The following CCDC14 variants were observed in gnomAD, a reference collection of about 807,000 sequenced individuals.
The protein encoded by CCDC14 is coiled-coil domain-containing protein 14.
A neutral mutation model predicts 81.4 loss-of-function variants in CCDC14; 71 were observed. That is an observed-to-expected ratio of 0.87 (90% CI 0.72 to 1.06). CCDC14 has a LOEUF of 1.06. CCDC14 is among the 50% of genes least tolerant of loss of function. CCDC14 has a pLI of 0.00. For missense variants in CCDC14, 1,046 were observed against 1,047.3 expected (o/e 1.00, Z 0.02); for synonymous variants, 332 against 364.8 (o/e 0.91, Z 1.03).
chr3:123,952,497 T>A, intron 5 of CCDC14: 3 of 380,116 alleles, frequency 7.9e-6, no homozygotes, highest in South Asian at 2.1e-5. Flanking sequence ...AAATACATAT[T>A]TTTTTTAAAT....
At chr3:123,930,134 T>C (rs1432222325) in intron 12 of CCDC14, among the ~76,000 whole-genome samples, 16 of 152,318 alleles carry the variant, frequency 1.1e-4, no homozygotes, top group Admixed American at 9.2e-4. Flanking sequence ...AAATATCCTA[T>C]GAAATATAAA....
Position 123,914,722 on chromosome 3 carries a change from T to C in CCDC14, c.*57A>G, listed in dbSNP as rs1559760563. On this transcript the variant is annotated 3_prime_UTR_variant, in exon 13 of 13. Coordinates refer to ENST00000409697, the MANE Select transcript of CCDC14 (RefSeq NM_001366335.1). ...CATTTCACTAAAGAAAAATACACATTCAATATAGCCAAGTTCTAGTTTTAA... is the reference window on the plus strand; with the variant it reads ...CATTTCACTAAAGAAAAATACACATCCAATATAGCCAAGTTCTAGTTTTAA... 1 of 1,455,300 alleles carries C rather than the reference T, an allele frequency of 6.9e-7. No individual in the cohort carries two copies. 90.1% of individuals were successfully genotyped at this position (1,455,300 alleles called of 1,614,324 possible). A position where few individuals can be genotyped will look rare whatever the true frequency, so the allele number is the denominator to read the frequency against.
chr3:123,916,462 A>G (rs1310604744), intron 12 of CCDC14, among the ~76,000 whole-genome samples: 6 of 81,994 alleles, frequency 7.3e-5, no homozygotes, highest in East Asian at 2.4e-3. Flanking sequence ...TTCATTATAT[A>G]TGTGTTTGTG....
At chr3:123,891,139 C>T in the CCDC14 span, among the ~76,000 whole-genome samples, 3 of 151,828 alleles carry the variant, frequency 2.0e-5, no homozygotes, top group Non-Finnish European at 4.4e-5. Flanking sequence ...AATCCCCAGG[C>T]TGCACACAGC....
intron 9 of CCDC14, among the ~76,000 whole-genome samples, chr3:123,943,121 T>C (rs1022513055): frequency 6.6e-6 from 1 of 151,890 alleles, no homozygotes; most frequent in Non-Finnish European, 1.5e-5. Flanking sequence ...TATACATACA[T>C]ACACATATAT....
intron 5 of CCDC14, among the ~76,000 whole-genome samples, chr3:123,904,636 C>G (rs1446589689): frequency 9.4e-6 from 1 of 105,938 alleles, no homozygotes; most frequent in Non-Finnish European, 2.4e-5. Context: ...AAAAAAAAAA[C>G]CCTGGGATGT....
intron 1 of CCDC14, among the ~76,000 whole-genome samples, chr3:123,959,986 T>C (rs2037578844): frequency 6.6e-6 from 1 of 152,200 alleles, no homozygotes; most frequent in African/African-American, 2.4e-5. Flanking sequence ...CCTTTCTATC[T>C]ACTGAAAACA....
chr3:123,940,821 C>T lies in CCDC14; in HGVS notation c.1343+4028G>A, dbSNP rs540127209. On this transcript the variant is annotated intron_variant, in intron 9 of 12. Transcript: ENST00000409697. The stretch of plus-strand genomic sequence containing the variant: ...TTCCATCTTTCATCTTGTTCCTGTA[C>T]TCCAGACAGTCTAACTCAGCAGGTC... 2.0e-5 allele frequency among the ~76,000 whole-genome samples: 3 copies of T among 152,168 alleles called. No homozygotes were observed. The South Asian group carries it at 6.2e-4, about 32-fold the overall frequency.
intron 8 of CCDC14, among the ~76,000 whole-genome samples, chr3:123,945,453 G>A (rs749341105): frequency 7.2e-5 from 11 of 152,046 alleles, no homozygotes; most frequent in Non-Finnish European, 1.5e-4. Context: ...AATATTGAGT[G>A]AGGGTCTGCT....
chr3:123,915,015 C>T lies in CCDC14; in HGVS notation c.2482G>A (p.Glu828Lys), dbSNP rs777250583. 13 of 1,613,868 alleles carry T rather than the reference C, an allele frequency of 8.1e-6. No individual in the cohort carries two copies. Among genetic ancestry groups the T allele is most frequent in the Non-Finnish European group, 8.5e-7 (1 of 1,179,892 alleles). ...KIPAATKEPEEQTACHGPSGC... is the reference protein window; with the variant it reads ...KIPAATKEPEKQTACHGPSGC... ...GATGGGCCATGACATGCAGTTTGTT[C>T]CTCTGGCTCCTTGGTGGCAGCAGGG... Residue 828 changes from glutamate to lysine, a missense_variant, in exon 13 of 13, where the codon GAA becomes AAA. By Grantham distance (56) the Glu-to-Lys change is moderately conservative. Transcript: ENST00000409697.
rs112721964 is a variant in CCDC14, at chr3:123,918,451, C to T, written c.1779-2733G>A. On this transcript the variant is annotated intron_variant, in intron 12 of 12. Coordinates refer to ENST00000409697, the MANE Select transcript of CCDC14 (RefSeq NM_001366335.1). ...TGGCTCTGGTCCCCCTCATAGAAAT[C>T]GAACTAGCTACTATCCACAGACAAG... Among the ~76,000 whole-genome samples, 945 of 152,238 alleles carry T rather than the reference C, an allele frequency of 6.2e-3. 14 individuals carry two copies. The highest frequency in any genetic ancestry group is 0.021 in the African/African-American group (890 of 41,536).
rs372634916 is a variant in CCDC14 at position 123,959,148 on chromosome 3, G to C, written c.30+1996C>G. Among the ~76,000 whole-genome samples, 3 of 152,280 alleles carry C rather than the reference G, an allele frequency of 2.0e-5. No homozygotes were observed. In the East Asian group the frequency reaches 5.8e-4, roughly 29 times the overall value. The stretch of plus-strand genomic sequence containing the variant: ...CTATATCCTGATTTCAATTCTTTTG[G>C]ATAAATTCCCAGAAGTAGAATTGCT... On this transcript the variant is annotated intron_variant, in intron 1 of 12. Transcript: ENST00000409697.
intron 12 of CCDC14, among the ~76,000 whole-genome samples, chr3:123,918,144 A>C (rs1006484325): frequency 6.6e-6 from 1 of 152,210 alleles, no homozygotes; most frequent in African/African-American, 2.4e-5. Flanking sequence ...TGCTAAAAAG[A>C]AATCTCTATA....
At chr3:123,895,124 G>A (rs2034039180), downstream of CCDC14, among the ~76,000 whole-genome samples, 1 of 152,160 alleles carries the variant, frequency 6.6e-6, no homozygotes, top group Non-Finnish European at 1.5e-5. Flanking sequence ...AGTGACATTA[G>A]TTGTAGAAAA....
At position 123,906,067 on chromosome 3, in the gene CCDC14, C is replaced by T. The variant is rs774678065; in HGVS notation, c.668-8454G>A. Reference sequence around the variant, plus strand: ...CACATCAGGCCGGGCGCAGTGCTCACGCCTGTAATCCCAGCACTTTGGGAG... The same window carrying T: ...CACATCAGGCCGGGCGCAGTGCTCATGCCTGTAATCCCAGCACTTTGGGAG... On this transcript the variant is annotated intron_variant, in intron 5 of 5. Transcript: ENST00000479903. Among the ~76,000 whole-genome samples the T allele has an allele frequency of 3.9e-5, 6 of 152,122 alleles. No homozygotes were observed. In the East Asian group the frequency reaches 7.7e-4, roughly 20 times the overall value.
intron 1 of CCDC14, 31 bp from the exon 2 acceptor site, chr3:123,956,826 AAAT>A (rs2037352930): frequency 8.0e-6 from 11 of 1,372,982 alleles, no homozygotes; most frequent in Middle Eastern, 1.9e-4. Context: ...GCAGATAAAC[AAAT>A]ATTTTTCTAT....
At chr3:123,892,997 G>T (rs147155007), downstream of CCDC14, among the ~76,000 whole-genome samples, 32 of 151,944 alleles carry the variant, frequency 2.1e-4, no homozygotes, top group East Asian at 5.8e-3. Context: ...GTAGAGATGG[G>T]GTTTCACCAC....
downstream of CCDC14, among the ~76,000 whole-genome samples, chr3:123,912,037 T>A (rs568449762): frequency 3.3e-5 from 5 of 152,312 alleles, no homozygotes; most frequent in African/African-American, 1.2e-4. Flanking sequence ...TGGTCCAATA[T>A]CATCAGATTC....
chr3:123,895,989 T>G (rs187463541), downstream of CCDC14, among the ~76,000 whole-genome samples: 1 of 152,332 alleles, frequency 6.6e-6, no homozygotes, highest in East Asian at 1.9e-4. Flanking sequence ...GCAGCATTAT[T>G]CACAATAGCC....
Sources: allele counts gnomAD v4.1 joint callset (sites outside exome capture counted in the v4.1 genomes callset), GRCh38; gene constraint gnomAD v4.1.1; transcripts MANE v1.5; gene names NCBI Gene and HGNC (gene_info 2026-07-23, HGNC 2026-07-21).